NAA15: variants seen among roughly 807,000 people sequenced by gnomAD.
NAA15 encodes the protein N-alpha-acetyltransferase 15, NatA auxiliary subunit, also known as N-terminal acetyltransferase.
Under a neutral mutation model 114.0 loss-of-function variants are expected in NAA15, and 34 were observed. That is an observed-to-expected ratio of 0.30 (90% CI 0.23 to 0.40). The LOEUF is 0.40. Ranked by LOEUF, NAA15 falls within the 10% of genes least tolerant of loss-of-function variation. The pLI is 1.00. For missense variants in NAA15, 658 were observed against 1,004.5 expected (o/e 0.66, Z 4.66); for synonymous variants, 340 against 338.0 (o/e 1.01, Z -0.06).
chr4:139,333,433 CT>C (rs1178363216), intron 1 of NAA15, among the ~76,000 whole-genome samples: 23 of 148,208 alleles, frequency 1.6e-4, no homozygotes, highest in South Asian at 2.1e-4. Flanking sequence ...TTTTAAGGAC[CT>C]TTTTTTTTTA....
At chr4:139,326,949 T>C (rs1346001038) in intron 1 of NAA15, among the ~76,000 whole-genome samples, 1 of 152,208 alleles carries the variant, frequency 6.6e-6, no homozygotes, top group African/African-American at 2.4e-5. Flanking sequence ...TTTTCCTTTT[T>C]TTGAAACAGA....
At chr4:139,311,851 A>G (rs1249461992) in intron 1 of NAA15, among the ~76,000 whole-genome samples, 2 of 151,864 alleles carry the variant, frequency 1.3e-5, no homozygotes, top group Admixed American at 6.6e-5. Flanking sequence ...GTTACTCAGG[A>G]GTCTGAGGCA....
chr4:139,348,897 T>G (rs138881590), intron 6 of NAA15, among the ~76,000 whole-genome samples: 1 of 152,278 alleles, frequency 6.6e-6, no homozygotes, highest in African/African-American at 2.4e-5. Context: ...GCTGATAGGT[T>G]GATAGTTTTT....
intron 11 of NAA15, among the ~76,000 whole-genome samples, chr4:139,358,534 A>G (rs1044609733): frequency 2.0e-5 from 3 of 151,648 alleles, no homozygotes; most frequent in Non-Finnish European, 2.9e-5. Flanking sequence ...TTTTTTTATT[A>G]ATTTTTTTAT....
chr4:139,385,049 A>C (rs772369126), intron 18 of NAA15, 71 bp downstream of exon 18: 4 of 1,268,268 alleles, frequency 3.2e-6, no homozygotes, highest in Non-Finnish European at 4.2e-6. Flanking sequence ...CAATAATATA[A>C]GGTACATGTT....
intron 15 of NAA15, among the ~76,000 whole-genome samples, chr4:139,370,827 A>T (rs1236281657): frequency 6.6e-6 from 1 of 152,256 alleles, no homozygotes; most frequent in Non-Finnish European, 1.5e-5. Flanking sequence ...CAGTGGTAAC[A>T]TGCAAGTTTT....
chr4:139,335,290 CATA>C lies in NAA15; in HGVS notation c.139+1035_139+1037del, dbSNP rs2110898168. ...TATTCATTTCTAAAGTAGGCATACT[CATA>C]ATGTGTTCAATACAGAAAAGTATCA... On this transcript the variant is annotated intron_variant, in intron 2 of 19. Transcript: ENST00000296543. Among the ~76,000 whole-genome samples, 2 of 152,322 alleles carry C rather than the reference CATA, an allele frequency of 1.3e-5. 1 individual carries two copies. Among genetic ancestry groups the C allele is most frequent in the Non-Finnish European group, 2.9e-5 (2 of 68,034 alleles).
At chr4:139,337,322 A>G (rs1747230922) in intron 3 of NAA15, among the ~76,000 whole-genome samples, 1 of 152,198 alleles carries the variant, frequency 6.6e-6, no homozygotes, top group Non-Finnish European at 1.5e-5. Context: ...AGGATATAAA[A>G]TAAGGAATAT....
intron 3 of NAA15, 59 bp from the exon 4 acceptor site, chr4:139,340,853 A>T: frequency 7.4e-7 from 1 of 1,343,656 alleles, no homozygotes. Flanking sequence ...GTTTTTTGGG[A>T]GGTCGTTTGG....
intron 17 of NAA15, among the ~76,000 whole-genome samples, chr4:139,383,915 T>C (rs1164059285): frequency 1.3e-5 from 2 of 152,154 alleles, no homozygotes; most frequent in African/African-American, 4.8e-5. Flanking sequence ...CTTACTTGGG[T>C]ATAGAGGAAG....
chr4:139,357,648 G>A (rs1560972670), intron 11 of NAA15, 93 bp downstream of exon 11: 3 of 829,640 alleles, frequency 3.6e-6, no homozygotes, highest in Non-Finnish European at 3.7e-6. Flanking sequence ...TAGGAAAAGT[G>A]ACATTTGATA....
intron 1 of NAA15, among the ~76,000 whole-genome samples, chr4:139,319,930 G>A (rs1746543050): frequency 6.6e-6 from 1 of 152,040 alleles, no homozygotes; most frequent in African/African-American, 2.4e-5. Flanking sequence ...AAATTTTATT[G>A]CACACTGCTA....
intron 1 of NAA15, among the ~76,000 whole-genome samples, chr4:139,309,461 G>A (rs1746144008): frequency 6.7e-6 from 1 of 149,342 alleles, no homozygotes; most frequent in Admixed American, 6.8e-5. Flanking sequence ...GTGTGTGTGT[G>A]TGTGTGTGTC....
intron 15 of NAA15, among the ~76,000 whole-genome samples, chr4:139,374,603 T>C (rs987280998): frequency 2.0e-5 from 3 of 152,230 alleles, no homozygotes; most frequent in African/African-American, 7.2e-5. Context: ...TTTGACTTTT[T>C]TTTCCTGAAA....
chr4:139,354,379 G>A lies in NAA15; in HGVS notation c.1087+281G>A, dbSNP rs538746114. On this transcript the variant is annotated intron_variant, in intron 10 of 19. Transcript: ENST00000296543. ...AGTGGTGTGAACACAGCTCACTGCA[G>A]CTTCGACCTCCTGGGCTCAAGTGAT... is the stretch of plus-strand genomic sequence containing the variant. 5.9e-5 allele frequency among the ~76,000 whole-genome samples: 9 copies of A among 152,148 alleles called. No homozygotes were observed. The East Asian group carries it at 1.7e-3, about 29-fold the overall frequency.
rs1313807457 is a variant in NAA15 at position 139,327,244 on chromosome 4, CTTTG to C, written c.55-6922_55-6919del. Among the ~76,000 whole-genome samples the C allele has an allele frequency of 9.2e-5, 14 of 152,044 alleles. No homozygotes were observed. The East Asian group carries it at 9.7e-4, about 11-fold the overall frequency. Reference sequence around the variant, plus strand: ...GAGCCACCGTGCCAGGCCAGTAAATCTTTGTTTGTTTATTTGTTTGTTTGAGACA... The same window carrying C: ...GAGCCACCGTGCCAGGCCAGTAAATCTTTGTTTATTTGTTTGTTTGAGACA... On this transcript the variant is annotated intron_variant, in intron 1 of 19. Coordinates refer to ENST00000296543, the MANE Select transcript of NAA15 (RefSeq NM_057175.5).
chr4:139,345,757 A>G (rs1560967439), intron 6 of NAA15, among the ~76,000 whole-genome samples: 1 of 152,148 alleles, frequency 6.6e-6, no homozygotes, highest in Admixed American at 6.5e-5. Flanking sequence ...CGTCTCTACT[A>G]AAAATACAGA....
intron 16 of NAA15, among the ~76,000 whole-genome samples, chr4:139,377,506 C>G (rs1209500733): frequency 6.6e-6 from 1 of 151,498 alleles, no homozygotes; most frequent in African/African-American, 2.4e-5. Flanking sequence ...CCATTGCACT[C>G]CAGCCTGGGA....
intron 15 of NAA15, among the ~76,000 whole-genome samples, chr4:139,374,454 G>C (rs1260304276): frequency 6.6e-6 from 1 of 152,250 alleles, no homozygotes; most frequent in East Asian, 1.9e-4. Context: ...TTCAGTTCTT[G>C]TGTGCTTATC....
Sources: gnomAD v4.1 joint callset for allele counts (sites outside exome capture counted in the v4.1 genomes callset) on GRCh38, gnomAD v4.1.1 for gene constraint, MANE v1.5 for transcripts, NCBI Gene and HGNC (gene_info 2026-07-23, HGNC 2026-07-21) for gene names.